MECOM: variants seen among roughly 807,000 people sequenced by gnomAD.
The protein encoded by MECOM is MDS1 and EVI1 complex locus.
MECOM carries 13 observed loss-of-function variants against 116.3 expected under a neutral mutation model. That is an observed-to-expected ratio of 0.11 (90% CI 0.07 to 0.18). MECOM has a LOEUF of 0.18. Ranked by LOEUF, MECOM falls within the 10% of genes least tolerant of loss-of-function variation. The pLI is 1.00. For missense variants in MECOM, 1,299 were observed against 1,509.0 expected (o/e 0.86, Z 2.31); for synonymous variants, 528 against 535.2 (o/e 0.99, Z 0.19).
intron 5 of MECOM, 70 bp downstream of exon 5, chr3:169,127,774 A>G: frequency 2.9e-6 from 4 of 1,397,936 alleles, no homozygotes; most frequent in Non-Finnish European, 3.0e-6. Context: ...ATCTGCACAA[A>G]GCCTCAAAAT....
At chr3:169,397,369 T>C (rs1300941275) in intron 1 of MECOM, among the ~76,000 whole-genome samples, 1 of 152,146 alleles carries the variant, frequency 6.6e-6, no homozygotes, top group Non-Finnish European at 1.5e-5. Flanking sequence ...CAATGAACAA[T>C]GAGCAATATT....
intron 2 of MECOM, among the ~76,000 whole-genome samples, chr3:169,284,537 C>T (rs1269030231): frequency 4.6e-5 from 7 of 151,868 alleles, no homozygotes; most frequent in Non-Finnish European, 7.4e-5. Flanking sequence ...AATCTCCAAG[C>T]AATGCTGACA....
intron 1 of MECOM, among the ~76,000 whole-genome samples, chr3:169,500,026 A>C (rs1001665345): frequency 6.6e-6 from 1 of 152,104 alleles, no homozygotes; most frequent in African/African-American, 2.4e-5. Context: ...AACAGTGTGA[A>C]ATTTCCCAGA....
intron 1 of MECOM, among the ~76,000 whole-genome samples, chr3:169,407,353 A>G (rs541513731): frequency 6.6e-6 from 1 of 152,368 alleles, no homozygotes; most frequent in African/African-American, 2.4e-5. Context: ...CTTAAGATTT[A>G]CACACATATT....
At chr3:169,296,682 T>A (rs1174500745) in intron 2 of MECOM, among the ~76,000 whole-genome samples, 1 of 152,090 alleles carries the variant, frequency 6.6e-6, no homozygotes, top group African/African-American at 2.4e-5. Flanking sequence ...ATTATAGTAA[T>A]AAAGGAGTGA....
At chr3:169,373,053 A>G (rs372823522) in intron 2 of MECOM, among the ~76,000 whole-genome samples, 25 of 152,106 alleles carry the variant, frequency 1.6e-4, no homozygotes, top group African/African-American at 5.8e-4. Context: ...AGTAATTTTA[A>G]TCAATCCGTA....
At chr3:169,300,407 T>C (rs1160735157) in intron 2 of MECOM, among the ~76,000 whole-genome samples, 2 of 152,240 alleles carry the variant, frequency 1.3e-5, no homozygotes, top group African/African-American at 4.8e-5. Flanking sequence ...AAAATGATCT[T>C]GCGGCGTTTA....
chr3:169,456,281 C>G (rs1419589410), intron 1 of MECOM, among the ~76,000 whole-genome samples: 1 of 152,134 alleles, frequency 6.6e-6, no homozygotes, highest in African/African-American at 2.4e-5. Context: ...CACACCTGCT[C>G]CTTGCATTGT....
chr3:169,310,550 C>T (rs1376461447), intron 2 of MECOM, among the ~76,000 whole-genome samples: 2 of 152,188 alleles, frequency 1.3e-5, no homozygotes, highest in African/African-American at 4.8e-5. Context: ...AATTGCCTAG[C>T]AAGGTTTTGG....
intron 5 of MECOM, among the ~76,000 whole-genome samples, chr3:169,127,005 T>A (rs1294997504): frequency 6.6e-6 from 1 of 152,112 alleles, no homozygotes; most frequent in African/African-American, 2.4e-5. Context: ...AATTTCCAGA[T>A]TTAAAAGCAA....
At chr3:169,449,089 C>T (rs1425086411) in intron 1 of MECOM, among the ~76,000 whole-genome samples, 2 of 152,130 alleles carry the variant, frequency 1.3e-5, no homozygotes, top group East Asian at 1.9e-4. Context: ...AGCTCAATCA[C>T]GAAAGGTCTT....
At chr3:169,307,944 G>A (rs189054066) in intron 2 of MECOM, among the ~76,000 whole-genome samples, 184 of 152,136 alleles carry the variant, frequency 1.2e-3, no homozygotes, top group Non-Finnish European at 2.2e-3. Flanking sequence ...TACTCCTCTC[G>A]CTTTCTTTGG....
At chr3:169,351,418 T>C (rs1355779365) in intron 2 of MECOM, among the ~76,000 whole-genome samples, 1 of 151,888 alleles carries the variant, frequency 6.6e-6, no homozygotes, top group African/African-American at 2.4e-5. Flanking sequence ...AATGTATTTA[T>C]GTATCTTTCT....
intron 2 of MECOM, among the ~76,000 whole-genome samples, chr3:169,171,270 G>C (rs1266067504): frequency 6.6e-6 from 1 of 152,070 alleles, no homozygotes; most frequent in Non-Finnish European, 1.5e-5. Flanking sequence ...AGAATGAATT[G>C]AATTGCTTTG....
At chr3:169,098,719 G>C (rs1348017155) in intron 12 of MECOM, among the ~76,000 whole-genome samples, 1 of 151,626 alleles carries the variant, frequency 6.6e-6, no homozygotes, top group Non-Finnish European at 1.5e-5. Context: ...TTGAAGATGG[G>C]GTCTCGCTGT....
intron 2 of MECOM, among the ~76,000 whole-genome samples, chr3:169,194,089 A>G (rs556508563): frequency 4.8e-4 from 73 of 152,190 alleles, no homozygotes; most frequent in African/African-American, 1.3e-3. Context: ...AGATAGTGAG[A>G]ATGTAGCTTA....
intron 2 of MECOM, among the ~76,000 whole-genome samples, chr3:169,311,682 TC>T: frequency 8.2e-6 from 1 of 122,324 alleles, no homozygotes; most frequent in Non-Finnish European, 1.7e-5. Flanking sequence ...TACATTTTAC[TC>T]TTTTTTTTTT....
At chr3:169,547,821 G>A (rs1760913350) in intron 1 of MECOM, among the ~76,000 whole-genome samples, 1 of 152,074 alleles carries the variant, frequency 6.6e-6, no homozygotes, top group Non-Finnish European at 1.5e-5. Context: ...CCATGAGAAG[G>A]CAGAGGCAGA....
intron 1 of MECOM, among the ~76,000 whole-genome samples, chr3:169,591,294 T>C (rs1766373607): frequency 6.6e-6 from 1 of 152,208 alleles, no homozygotes; most frequent in African/African-American, 2.4e-5. Flanking sequence ...TAGTAAACTT[T>C]ATATTACTCC....
Sources: allele counts gnomAD v4.1 joint callset (sites outside exome capture counted in the v4.1 genomes callset), GRCh38; gene constraint gnomAD v4.1.1; transcripts MANE v1.5; gene names NCBI Gene and HGNC (gene_info 2026-07-23, HGNC 2026-07-21).